The following FREM1 variants were observed in gnomAD, a reference collection of about 807,000 sequenced individuals.
The protein encoded by FREM1 is FRAS1-related extracellular matrix protein 1.
Under a neutral mutation model 210.1 loss-of-function variants are expected in FREM1, and 220 were observed. The observed-to-expected ratio is 1.05, with a 90% CI of 0.94 to 1.17. FREM1 has a LOEUF of 1.17. Ranked by LOEUF, FREM1 falls within the 50% of genes most tolerant of loss-of-function variation. FREM1 has a pLI of 0.00. For missense variants in FREM1, 3,454 were observed against 2,675.5 expected, an observed-to-expected ratio of 1.29 and a Z score of -6.42; for synonymous variants, 1,189 against 980.2, an observed-to-expected ratio of 1.21 and a Z score of -3.98.
At chr9:14,860,572 C>CATATATATATACACAT (rs759870876) in intron 3 of FREM1, among the ~76,000 whole-genome samples, 1,664 of 87,888 alleles carry the variant, frequency 0.019, 99 homozygotes, top group Non-Finnish European at 0.026. Flanking sequence ...TATATATACA[C>CATATATATATACACAT]ATATATATAC....
chr9:14,745,090 A>G (rs930719813), intron 35 of FREM1, among the ~76,000 whole-genome samples: 45 of 152,286 alleles, frequency 3.0e-4, no homozygotes, highest in Non-Finnish European at 2.4e-4. Context: ...ATAGAGGGGA[A>G]CAACGCACAG....
chr9:14,782,458 A>C (rs1345326746), intron 24 of FREM1: 18 of 403,164 alleles, frequency 4.5e-5, no homozygotes, highest in Non-Finnish European at 4.7e-5. Flanking sequence ...TAATGTCTTC[A>C]GCAGACTGTC....
chr9:14,777,624 T>C (rs1196625692), intron 24 of FREM1, among the ~76,000 whole-genome samples: 1 of 146,336 alleles, frequency 6.8e-6, no homozygotes, highest in African/African-American at 2.5e-5. Flanking sequence ...TATATACATA[T>C]ATAAATTGTA....
Position 14,784,635 on chromosome 9 carries a change from C to A in FREM1, c.4178-1G>T. 6.4e-7 allele frequency: 1 copy of A among 1,555,254 alleles called. No individual in the cohort carries two copies. The highest frequency in any genetic ancestry group is 1.2e-5 in the South Asian group (1 of 80,668). Reference sequence around the variant, plus strand: ...GGTTTTGTAAGGATGACAATATCACCTACATGACATAAGAGGTTATGGTCA... The same window carrying A: ...GGTTTTGTAAGGATGACAATATCACATACATGACATAAGAGGTTATGGTCA... On this transcript the variant is annotated splice_acceptor_variant, in intron 23 of 36. Transcript: ENST00000380880. LOFTEE classifies it high-confidence loss of function.
Position 14,861,264 on chromosome 9 carries a change from TATACACATATATACATATATAC to T in FREM1, c.330-1802_330-1781del, listed in dbSNP as rs1564107744. Among the ~76,000 whole-genome samples the T allele has an allele frequency of 5.0e-4, 46 of 92,882 alleles. 6 individuals carry two copies. The East Asian group carries it at 7.5e-3, about 15-fold the overall frequency. The allele number at this position is 92,882 out of a possible 152,430, so 60.9% of individuals were successfully genotyped here. On this transcript the variant is annotated intron_variant, in intron 3 of 36. Coordinates refer to ENST00000380880, the MANE Select transcript of FREM1 (RefSeq NM_001379081.2). ...ACACACATATATACATATATACACA[TATACACATATATACATATATAC>T]ATATATACATATATACACATATATA... is the stretch of plus-strand genomic sequence containing the variant.
At chr9:14,868,135 T>C (rs1831888880) in intron 2 of FREM1, among the ~76,000 whole-genome samples, 1 of 152,228 alleles carries the variant, frequency 6.6e-6, no homozygotes, top group African/African-American at 2.4e-5. Flanking sequence ...GTGATGTTAA[T>C]AGATGAAACA....
At chr9:14,778,081 G>A (rs563129789) in intron 24 of FREM1, among the ~76,000 whole-genome samples, 3 of 152,094 alleles carry the variant, frequency 2.0e-5, no homozygotes, top group East Asian at 1.9e-4. Context: ...CACACACCTC[G>A]ACTTGTAAAG....
At chr9:14,864,790 T>C (rs866009567) in intron 2 of FREM1, among the ~76,000 whole-genome samples, 1 of 152,158 alleles carries the variant, frequency 6.6e-6, no homozygotes, top group South Asian at 2.1e-4. Context: ...GCCTCAAACA[T>C]TTTCAGACAA....
intron 29 of FREM1, among the ~76,000 whole-genome samples, chr9:14,752,621 T>C (rs201128503): frequency 2.0e-5 from 3 of 152,278 alleles, no homozygotes; most frequent in East Asian, 1.9e-4. Context: ...GGCTAGAAGT[T>C]TGAAGACCAC....
intron 3 of FREM1, among the ~76,000 whole-genome samples, chr9:14,860,533 G>GTATATATATACACATATATATATACACA (rs1554706946): frequency 2.2e-4 from 17 of 77,958 alleles, no homozygotes; most frequent in African/African-American, 1.2e-3. Flanking sequence ...TAGTAGGTAT[G>GTATATATATACACATATATATATACACA]TATATATATA....
At chr9:14,822,044 T>C (rs112276758) in intron 13 of FREM1, among the ~76,000 whole-genome samples, 6,210 of 152,176 alleles carry the variant, frequency 0.041, 408 homozygotes, top group African/African-American at 0.14. Context: ...ATTCTCATGG[T>C]AGTGAATACA....
At chr9:14,803,822 T>C (rs1817806468) in intron 19 of FREM1, among the ~76,000 whole-genome samples, 1 of 152,230 alleles carries the variant, frequency 6.6e-6, no homozygotes, top group African/African-American at 2.4e-5. Flanking sequence ...GCCCTACTTA[T>C]TAAATATTAA....
intron 1 of FREM1, among the ~76,000 whole-genome samples, chr9:14,880,406 C>G (rs1588559965): frequency 6.6e-6 from 1 of 152,138 alleles, no homozygotes; most frequent in Non-Finnish European, 1.5e-5. Flanking sequence ...GAGTTCGAGA[C>G]CAGCCTGGCC....
At position 14,801,886 on chromosome 9, in the gene FREM1, C is replaced by T. The variant is rs1372302106; in HGVS notation, c.3472-12G>A. 3.2e-6 allele frequency: 5 copies of T among 1,585,992 alleles called. No individual in the cohort carries two copies. Among genetic ancestry groups the T allele is most frequent in the African/African-American group, 2.7e-5 (2 of 74,044 alleles). On this transcript the variant is annotated splice_polypyrimidine_tract_variant and intron_variant, in intron 19 of 36. Coordinates refer to ENST00000380880, the MANE Select transcript of FREM1 (RefSeq NM_001379081.2). ...TGACCCTCACACACCTGAGCAAGAA[C>T]ACATGAGAAAAGTCAACAATGCATA...
At position 14,762,059 on chromosome 9, in the gene FREM1, A is replaced by G. The variant is rs548325687; in HGVS notation, c.5205-2158T>C. Among the ~76,000 whole-genome samples the G allele has an allele frequency of 1.8e-4, 28 of 152,334 alleles. No individual in the cohort carries two copies. In the South Asian group the frequency reaches 5.4e-3, roughly 29 times the overall value. On this transcript the variant is annotated intron_variant, in intron 27 of 36. Transcript: ENST00000380880. ...ACTTTAGACATCTGCTGGAGGTCTT[A>G]GAACATATCTCCCACAGATAGGAGG...
At chr9:14,840,946 TTGAG>T (rs1287410938) in intron 10 of FREM1, among the ~76,000 whole-genome samples, 1 of 152,248 alleles carries the variant, frequency 6.6e-6, no homozygotes, top group Non-Finnish European at 1.5e-5. Context: ...AATGTATTTA[TTGAG>T]TGTTTCCCAT....
At chr9:14,877,285 G>A (rs1018463242) in intron 1 of FREM1, among the ~76,000 whole-genome samples, 6 of 151,822 alleles carry the variant, frequency 4.0e-5, no homozygotes, top group African/African-American at 9.7e-5. Flanking sequence ...TCATCTCTGG[G>A]TGGTGTATAA....
intron 13 of FREM1, among the ~76,000 whole-genome samples, chr9:14,822,015 G>T (rs950087365): frequency 6.6e-6 from 1 of 152,056 alleles, no homozygotes; most frequent in Non-Finnish European, 1.5e-5. Flanking sequence ...TGAATCATAG[G>T]GGCAGTTTCC....
chr9:14,851,233 A>C, intron 6 of FREM1, 51 bp downstream of exon 6: 1 of 1,396,052 alleles, frequency 7.2e-7, no homozygotes, highest in African/African-American at 1.4e-5. Flanking sequence ...GGGGTTCTTA[A>C]ATAACCCTGT....
Sources: allele counts gnomAD v4.1 joint callset (sites outside exome capture counted in the v4.1 genomes callset), GRCh38; gene constraint gnomAD v4.1.1; transcripts MANE v1.5; gene names NCBI Gene and HGNC (gene_info 2026-07-23, HGNC 2026-07-21).